PLXNA4: variants seen among roughly 807,000 people sequenced by gnomAD.
PLXNA4 encodes the protein plexin-A4.
Under a neutral mutation model 191.8 loss-of-function variants are expected in PLXNA4, and 44 were observed. That is an observed-to-expected ratio of 0.23 (90% CI 0.18 to 0.29). The LOEUF is 0.29. Ranked by LOEUF, PLXNA4 falls within the 10% of genes least tolerant of loss-of-function variation. The pLI is 1.00. For missense variants in PLXNA4, 1,800 were observed against 2,488.8 expected, an observed-to-expected ratio of 0.72 and a Z score of 5.89; for synonymous variants, 1,082 against 1,009.5, an observed-to-expected ratio of 1.07 and a Z score of -1.36.
intron 2 of PLXNA4, among the ~76,000 whole-genome samples, chr7:132,502,209 T>G (rs1166410350): frequency 1.3e-5 from 2 of 151,902 alleles, no homozygotes; most frequent in African/African-American, 4.8e-5. Context: ...GACTGGAATG[T>G]GAGGCCAGCC....
chr7:132,130,206 A>G lies in PLXNA4; in HGVS notation c.*273T>C, dbSNP rs1794885390. ...CCTGGGAGACAGAGGCCTCTCTGAC[A>G]TCTTCTGGTCAGCTCCCTTGCCATG... On this transcript the variant is annotated 3_prime_UTR_variant, in exon 32 of 32. Coordinates refer to ENST00000321063, the MANE Select transcript of PLXNA4 (RefSeq NM_020911.2). 4.9e-6 allele frequency: 2 copies of G among 407,840 alleles called. No homozygotes were observed. The highest frequency in any genetic ancestry group is 3.5e-5 in the Admixed American group (1 of 28,438). 25.3% of individuals were successfully genotyped at this position (407,840 alleles called of 1,614,324 possible).
chr7:132,220,779 C>T (rs1798117121), intron 9 of PLXNA4, among the ~76,000 whole-genome samples: 1 of 151,282 alleles, frequency 6.6e-6, no homozygotes, highest in Non-Finnish European at 1.5e-5. Context: ...TCTGCATTGC[C>T]CTGGGACACA....
At chr7:132,585,323 T>C (rs1284530095) in intron 2 of PLXNA4, among the ~76,000 whole-genome samples, 2 of 152,138 alleles carry the variant, frequency 1.3e-5, no homozygotes, top group East Asian at 3.9e-4. Flanking sequence ...CCAGGAAACA[T>C]TTAGATAGCA....
chr7:132,442,382 A>C lies in PLXNA4; in HGVS notation c.1371+46910T>G, dbSNP rs528521037. Among the ~76,000 whole-genome samples the C allele has an allele frequency of 1.2e-4, 19 of 152,312 alleles. 1 individual carries two copies. The highest frequency in any genetic ancestry group is 6.5e-4 in the Admixed American group (10 of 15,312). ...TGAAACAAGAAAGAGAAGCCTGTAAAGATGGAAATGAGGCAACTCCCAACC... is the reference window on the plus strand; with the variant it reads ...TGAAACAAGAAAGAGAAGCCTGTAACGATGGAAATGAGGCAACTCCCAACC... On this transcript the variant is annotated intron_variant, in intron 3 of 31. Coordinates refer to ENST00000321063, the MANE Select transcript of PLXNA4 (RefSeq NM_020911.2).
chr7:132,403,104 A>G (rs1005996057), intron 3 of PLXNA4, among the ~76,000 whole-genome samples: 2 of 152,236 alleles, frequency 1.3e-5, no homozygotes, highest in Admixed American at 6.5e-5. Context: ...TTCCATGCCA[A>G]CATCCCAGGA....
chr7:132,160,313 G>A (rs191015493), intron 24 of PLXNA4, among the ~76,000 whole-genome samples: 19 of 152,340 alleles, frequency 1.2e-4, no homozygotes, highest in Admixed American at 9.8e-4. Flanking sequence ...GCCCTGAATA[G>A]GGCCCCTGTG....
chr7:132,384,894 G>A (rs750756095), intron 3 of PLXNA4: 9 of 1,213,524 alleles, frequency 7.4e-6, no homozygotes, highest in South Asian at 1.7e-5. Context: ...GAATCAGTTA[G>A]TTTCACTGAC....
At chr7:132,520,128 A>G (rs1799114065) in intron 1 of PLXNA4, among the ~76,000 whole-genome samples, 1 of 152,194 alleles carries the variant, frequency 6.6e-6, no homozygotes, top group Non-Finnish European at 1.5e-5. Context: ...GTTTCTCTCC[A>G]AAGACTCTTT....
chr7:132,200,651 G>A (rs1438326196), intron 12 of PLXNA4, among the ~76,000 whole-genome samples: 3 of 152,186 alleles, frequency 2.0e-5, no homozygotes, highest in African/African-American at 7.2e-5. Context: ...TTTGCTGGGT[G>A]AGGCCCACAA....
At chr7:132,141,921 G>T (rs921454133) in intron 29 of PLXNA4, among the ~76,000 whole-genome samples, 5 of 152,168 alleles carry the variant, frequency 3.3e-5, no homozygotes, top group Admixed American at 1.3e-4. Context: ...GTATAGATGG[G>T]GTTTCATCAT....
intron 1 of PLXNA4, among the ~76,000 whole-genome samples, chr7:132,562,832 C>CT (rs1801301961): frequency 1.3e-5 from 1 of 77,912 alleles, no homozygotes; most frequent in Non-Finnish European, 2.8e-5. Flanking sequence ...CCTCCTTCTC[C>CT]TCCTCCTTCT....
chr7:132,417,976 C>T (rs2288966), intron 3 of PLXNA4, among the ~76,000 whole-genome samples: 4,266 of 152,208 alleles, frequency 0.028, 246 homozygotes, highest in East Asian at 0.27. Flanking sequence ...TTGGACAAAA[C>T]GCTTCTAATT....
intron 3 of PLXNA4, among the ~76,000 whole-genome samples, chr7:132,385,977 G>C (rs1425108790): frequency 2.0e-5 from 3 of 152,144 alleles, no homozygotes; most frequent in Admixed American, 6.5e-5. Context: ...TTCAACACAT[G>C]GTTATTCAAT....
chr7:132,283,779 G>A (rs143703045), intron 4 of PLXNA4, among the ~76,000 whole-genome samples: 6 of 152,342 alleles, frequency 3.9e-5, no homozygotes, highest in African/African-American at 1.4e-4. Flanking sequence ...ATGACTTTGA[G>A]AGATACTACT....
chr7:132,379,801 C>T (rs1367771172), intron 3 of PLXNA4, among the ~76,000 whole-genome samples: 1 of 152,214 alleles, frequency 6.6e-6, no homozygotes, highest in African/African-American at 2.4e-5. Context: ...AGTCACTCTG[C>T]AAATTTCAAA....
At chr7:132,637,739 G>C (rs1455753429) in intron 2 of PLXNA4, among the ~76,000 whole-genome samples, 1 of 152,170 alleles carries the variant, frequency 6.6e-6, no homozygotes, top group Non-Finnish European at 1.5e-5. Flanking sequence ...ATGAGGACAG[G>C]ACATCCCAAA....
chr7:132,448,874 C>A (rs974150492), intron 3 of PLXNA4, among the ~76,000 whole-genome samples: 12 of 152,200 alleles, frequency 7.9e-5, no homozygotes, highest in Non-Finnish European at 1.6e-4. Context: ...GTAGAAATAT[C>A]TATACAAGAC....
intron 2 of PLXNA4, among the ~76,000 whole-genome samples, chr7:132,635,768 C>T (rs1160755658): frequency 2.0e-5 from 3 of 152,128 alleles, no homozygotes; most frequent in Non-Finnish European, 2.9e-5. Context: ...TACTTAACAA[C>T]ACAGGAATTT....
At chr7:132,522,943 C>A (rs1443689849) in intron 1 of PLXNA4, among the ~76,000 whole-genome samples, 2 of 151,742 alleles carry the variant, frequency 1.3e-5, no homozygotes, top group Admixed American at 6.6e-5. Context: ...CTTGATAGGC[C>A]TTGAAAACTT....
Sources: gnomAD v4.1 joint callset for allele counts (sites outside exome capture counted in the v4.1 genomes callset) on GRCh38, gnomAD v4.1.1 for gene constraint, MANE v1.5 for transcripts, NCBI Gene and HGNC (gene_info 2026-07-23, HGNC 2026-07-21) for gene names.